KIAA1217: variants seen among roughly 807,000 people sequenced by gnomAD.
KIAA1217 encodes the protein KIAA1217.
A neutral mutation model predicts 163.9 loss-of-function variants in KIAA1217; 88 were observed. The observed-to-expected ratio is 0.54, with a 90% CI of 0.45 to 0.64. The LOEUF (loss-of-function observed/expected upper bound fraction) is 0.64. KIAA1217 is among the 30% of genes least tolerant of loss of function. The probability of loss-of-function intolerance (pLI) is 0.00; values close to 1 mark genes in which losing one functional copy is unlikely to be tolerated. For synonymous variants in KIAA1217, 903 were observed against 923.1 expected, an observed-to-expected ratio of 0.98 and a Z score of 0.39; for missense variants, 2,372 against 2,475.0, an observed-to-expected ratio of 0.96 and a Z score of 0.88.
intron 1 of KIAA1217, among the ~76,000 whole-genome samples, chr10:23,737,814 A>C (rs887685478): frequency 6.6e-6 from 1 of 151,418 alleles, no homozygotes. Flanking sequence ...GCCCATTGAC[A>C]GTTATTTTCT....
chr10:24,503,913 AC>A (rs541765582), intron 9 of KIAA1217, among the ~76,000 whole-genome samples: 311 of 152,284 alleles, frequency 2.0e-3, no homozygotes, highest in South Asian at 0.011. Context: ...GAAGTACCTA[AC>A]TGCTCTCAAA....
intron 2 of KIAA1217, among the ~76,000 whole-genome samples, chr10:24,164,468 A>G (rs1432222071): frequency 1.3e-5 from 2 of 152,202 alleles, no homozygotes; most frequent in Non-Finnish European, 2.9e-5. Flanking sequence ...GCTGTCTGAG[A>G]GAGGTAACCC....
intron 1 of KIAA1217, among the ~76,000 whole-genome samples, chr10:23,831,124 C>T (rs1043819113): frequency 4.6e-5 from 7 of 152,006 alleles, no homozygotes; most frequent in African/African-American, 1.7e-4. Context: ...AGAAATTAGA[C>T]CCTTATCTCG....
At chr10:23,955,025 G>T (rs1844498165) in intron 1 of KIAA1217, among the ~76,000 whole-genome samples, 1 of 152,064 alleles carries the variant, frequency 6.6e-6, no homozygotes, top group South Asian at 2.1e-4. Flanking sequence ...TAATAATAAT[G>T]GGCAATAATA....
At chr10:23,706,855 T>C (rs1836918855) in intron 1 of KIAA1217, among the ~76,000 whole-genome samples, 1 of 151,958 alleles carries the variant, frequency 6.6e-6, no homozygotes, top group Non-Finnish European at 1.5e-5. Flanking sequence ...TGATAGTGAG[T>C]TCCAGTCAGC....
At chr10:24,449,328 T>C (rs2061214158) in intron 5 of KIAA1217, 1 of 368,744 alleles carries the variant, frequency 2.7e-6, no homozygotes, top group Non-Finnish European at 3.8e-6. Flanking sequence ...TGTACTATTT[T>C]TTTTTTTATT....
intron 2 of KIAA1217, among the ~76,000 whole-genome samples, chr10:24,022,097 A>G (rs1287294753): frequency 3.3e-5 from 5 of 151,742 alleles, no homozygotes; most frequent in African/African-American, 4.8e-5. Context: ...AAAAACTGAC[A>G]AACTGGACTT....
intron 1 of KIAA1217, among the ~76,000 whole-genome samples, chr10:23,906,150 A>C (rs1195714570): frequency 6.6e-6 from 1 of 152,098 alleles, no homozygotes; most frequent in African/African-American, 2.4e-5. Context: ...TGGGCTAATC[A>C]CCTTTTAAAG....
chr10:24,054,002 A>C (rs1849703587), intron 2 of KIAA1217, among the ~76,000 whole-genome samples: 1 of 152,124 alleles, frequency 6.6e-6, no homozygotes, highest in Admixed American at 6.6e-5. Flanking sequence ...GGAAAAAAAA[A>C]GTTTGTTCAT....
chr10:24,080,294 G>A (rs149586582), intron 2 of KIAA1217, among the ~76,000 whole-genome samples: 380 of 152,308 alleles, frequency 2.5e-3, no homozygotes, highest in African/African-American at 8.1e-3. Flanking sequence ...CTGGCTGTAA[G>A]CTGTTTGGTT....
chr10:24,155,504 T>C (rs1000258235), intron 2 of KIAA1217, among the ~76,000 whole-genome samples: 2 of 152,138 alleles, frequency 1.3e-5, no homozygotes, highest in Non-Finnish European at 2.9e-5. Flanking sequence ...AGATTACTAA[T>C]TTTGAGTCCA....
intron 3 of KIAA1217, among the ~76,000 whole-genome samples, chr10:24,383,479 G>T (rs542900738): frequency 1.8e-4 from 28 of 152,356 alleles, no homozygotes; most frequent in Admixed American, 1.8e-3. Flanking sequence ...CCAAGGAATG[G>T]CTGAGGGTGG....
In KIAA1217 at chr10:24,054,510, A is replaced by G. The variant is rs144426480; in HGVS notation, c.-171+47136A>G. 6.1e-3 allele frequency among the ~76,000 whole-genome samples: 923 copies of G among 152,310 alleles called. 10 individuals are homozygous for G. The highest frequency in any genetic ancestry group is 0.021 in the African/African-American group (856 of 41,568). Reference sequence around the variant, plus strand: ...GAGCAAAGATAGAATGAAAGTATTAAGCCTTGTGTGCACTAACTTGTCTTT... The same window carrying G: ...GAGCAAAGATAGAATGAAAGTATTAGGCCTTGTGTGCACTAACTTGTCTTT... On this transcript the variant is annotated intron_variant, in intron 2 of 18. Transcript: ENST00000376462.
chr10:24,026,742 A>ATTTTTTTTTTTTTTTTTTTTGTTT (rs1847957584), intron 2 of KIAA1217, among the ~76,000 whole-genome samples: 1 of 70,096 alleles, frequency 1.4e-5, no homozygotes, highest in Non-Finnish European at 2.7e-5. Context: ...TATTTCATTG[A>ATTTTTTTTTTTTTTTTTTTTGTTT]TTTTTTTTTT....
chr10:24,473,586 G>T lies in KIAA1217; in HGVS notation c.1205G>T (p.Gly402Val), dbSNP rs764350650. 2 of 1,614,092 alleles carry T rather than the reference G, an allele frequency of 1.2e-6. No homozygotes were observed. Among genetic ancestry groups the T allele is most frequent in the South Asian group, 1.1e-5 (1 of 91,076 alleles). The change falls in exon 6 of 21, where the codon GGA becomes GTA. Residue 402 changes from glycine to valine, a missense_variant. Gly to Val is a moderately radical substitution (Grantham distance 109, BLOSUM62 -3). Transcript: ENST00000376454. ...GCTGATCCTTACCTTTATCACGAGG[G>T]ACGGATGAGCATAGCCTCATCCCAT... ...FYADPYLYHEGRMSIASSHGG... is the reference protein window; with the variant it reads ...FYADPYLYHEVRMSIASSHGG...
intron 1 of KIAA1217, among the ~76,000 whole-genome samples, chr10:23,775,534 C>T (rs1834972395): frequency 6.6e-6 from 1 of 152,090 alleles, no homozygotes; most frequent in Non-Finnish European, 1.5e-5. Context: ...TGTGCCTGGA[C>T]CTTTGTCACT....
chr10:24,542,636 C>T, intron 17 of KIAA1217, 57 bp from the exon 18 acceptor site: 1 of 1,593,320 alleles, frequency 6.3e-7, no homozygotes, highest in Non-Finnish European at 8.6e-7. Context: ...AGTTATAGTC[C>T]ACTTTTTTGG....
At chr10:23,948,635 G>A (rs1365252047) in intron 1 of KIAA1217, among the ~76,000 whole-genome samples, 1 of 152,066 alleles carries the variant, frequency 6.6e-6, no homozygotes. Context: ...TCCACAAGAA[G>A]GTAAGCTCCA....
At chr10:24,544,908 G>C in intron 19 of KIAA1217, 73 bp from the exon 20 acceptor site, 9 of 1,530,920 alleles carry the variant, frequency 5.9e-6, no homozygotes, top group East Asian at 4.5e-5. Context: ...TCTGCACATC[G>C]TGGGGCAGCC....
Sources: gnomAD v4.1 joint callset for allele counts (sites outside exome capture counted in the v4.1 genomes callset) on GRCh38, gnomAD v4.1.1 for gene constraint, MANE v1.5 for transcripts, NCBI Gene and HGNC (gene_info 2026-07-23, HGNC 2026-07-21) for gene names.